The following NKAIN2 variants were observed in gnomAD, a reference collection of about 807,000 sequenced individuals.
NKAIN2 encodes the protein sodium/potassium transporting ATPase interacting 2.
A neutral mutation model predicts 32.6 loss-of-function variants in NKAIN2; 14 were observed. That is an observed-to-expected ratio of 0.43 (90% CI 0.28 to 0.67). The LOEUF (loss-of-function observed/expected upper bound fraction) is 0.67, where lower values mean the gene tolerates loss of function less well. Among genes scored for constraint, NKAIN2 ranks in the 30% least tolerant of loss-of-function variants. The probability of loss-of-function intolerance (pLI) is 0.17; values close to 1 mark genes in which losing one functional copy is unlikely to be tolerated. For missense variants in NKAIN2, 198 were observed against 258.3 expected (o/e 0.77, Z 1.60); for synonymous variants, 80 against 87.2 (o/e 0.92, Z 0.46).
intron 1 of NKAIN2, among the ~76,000 whole-genome samples, chr6:124,019,310 C>T (rs1780751872): frequency 6.6e-6 from 1 of 152,018 alleles, no homozygotes; most frequent in South Asian, 2.1e-4. Context: ...GTTAATATTC[C>T]TGCATTTATA....
At chr6:124,028,577 C>T (rs1414673288) in intron 1 of NKAIN2, among the ~76,000 whole-genome samples, 1 of 151,218 alleles carries the variant, frequency 6.6e-6, no homozygotes, top group Non-Finnish European at 1.5e-5. Context: ...ACTATGGGAT[C>T]ACAAATCTCT....
At chr6:124,597,226 TGA>T (rs1562276263) in intron 3 of NKAIN2, among the ~76,000 whole-genome samples, 1 of 152,116 alleles carries the variant, frequency 6.6e-6, no homozygotes, top group Non-Finnish European at 1.5e-5. Context: ...CATCCCAATA[TGA>T]GACATTTAAA....
intron 3 of NKAIN2, among the ~76,000 whole-genome samples, chr6:124,469,586 A>T (rs752823494): frequency 6.6e-5 from 10 of 152,212 alleles, no homozygotes; most frequent in Non-Finnish European, 1.5e-4. Flanking sequence ...AACAACAATC[A>T]TATAAAGCTA....
intron 2 of NKAIN2, among the ~76,000 whole-genome samples, chr6:124,314,773 G>C (rs1796872915): frequency 6.6e-6 from 1 of 152,178 alleles, no homozygotes; most frequent in South Asian, 2.1e-4. Context: ...ATTTCCAGCA[G>C]CTGGGGTGGT....
intron 3 of NKAIN2, among the ~76,000 whole-genome samples, chr6:124,401,803 T>C (rs557164324): frequency 2.0e-5 from 3 of 152,310 alleles, no homozygotes; most frequent in African/African-American, 7.2e-5. Context: ...AAATCTGGTT[T>C]TGAACTCCCT....
At chr6:124,822,591 T>A (rs897028216) in intron 6 of NKAIN2, among the ~76,000 whole-genome samples, 1 of 152,192 alleles carries the variant, frequency 6.6e-6, no homozygotes, top group African/African-American at 2.4e-5. Flanking sequence ...TAGACAGTCC[T>A]CTTAAGTTGG....
At chr6:124,620,574 C>A (rs1783068979) in intron 3 of NKAIN2, among the ~76,000 whole-genome samples, 1 of 152,086 alleles carries the variant, frequency 6.6e-6, no homozygotes, top group African/African-American at 2.4e-5. Context: ...GAGTATGAGA[C>A]CCAATAAATC....
At chr6:124,463,806 T>C (rs768330452) in intron 3 of NKAIN2, among the ~76,000 whole-genome samples, 9 of 152,182 alleles carry the variant, frequency 5.9e-5, no homozygotes, top group Admixed American at 5.9e-4. Flanking sequence ...TTTAAGATGT[T>C]ATTGCTTTTC....
At chr6:124,138,922 G>A (rs1396058846) in intron 1 of NKAIN2, among the ~76,000 whole-genome samples, 1 of 150,976 alleles carries the variant, frequency 6.6e-6, no homozygotes, top group Non-Finnish European at 1.5e-5. Flanking sequence ...GAAGACTTGG[G>A]GGGAATGGTG....
At chr6:124,594,137 T>C (rs1782003043) in intron 3 of NKAIN2, among the ~76,000 whole-genome samples, 1 of 152,232 alleles carries the variant, frequency 6.6e-6, no homozygotes, top group African/African-American at 2.4e-5. Context: ...GGACATCCAT[T>C]TAGAGATACA....
At chr6:124,740,279 T>C (rs985649878) in intron 4 of NKAIN2, among the ~76,000 whole-genome samples, 2 of 151,738 alleles carry the variant, frequency 1.3e-5, no homozygotes, top group South Asian at 4.1e-4. Context: ...AGATAATTTA[T>C]GTATGTATGT....
intron 4 of NKAIN2, among the ~76,000 whole-genome samples, chr6:124,768,096 G>A (rs1778589574): frequency 6.6e-6 from 1 of 152,116 alleles, no homozygotes; most frequent in Non-Finnish European, 1.5e-5. Flanking sequence ...AAAATCAACA[G>A]AGTGTTTACA....
At chr6:123,850,938 A>G (rs1775316187) in intron 1 of NKAIN2, among the ~76,000 whole-genome samples, 1 of 152,166 alleles carries the variant, frequency 6.6e-6, no homozygotes, top group African/African-American at 2.4e-5. Flanking sequence ...AAGTGAGATC[A>G]TGTGGTATTT....
chr6:124,694,484 C>T (rs1360834507), intron 4 of NKAIN2, among the ~76,000 whole-genome samples: 1 of 152,198 alleles, frequency 6.6e-6, no homozygotes, highest in Non-Finnish European at 1.5e-5. Flanking sequence ...TATGTTCCCC[C>T]ATTGAATCCA....
At chr6:124,397,394 G>T (rs75634317) in intron 3 of NKAIN2, among the ~76,000 whole-genome samples, 1 of 151,918 alleles carries the variant, frequency 6.6e-6, no homozygotes, top group African/African-American at 2.4e-5. Context: ...TAAGAACAAC[G>T]ATAATATAAT....
intron 1 of NKAIN2, among the ~76,000 whole-genome samples, chr6:124,136,041 A>G (rs1786766768): frequency 6.6e-6 from 1 of 152,134 alleles, no homozygotes; most frequent in African/African-American, 2.4e-5. Context: ...CAGAGCAGAA[A>G]AAAATGAAAT....
At chr6:124,608,805 G>C (rs895520473) in intron 3 of NKAIN2, among the ~76,000 whole-genome samples, 3 of 152,144 alleles carry the variant, frequency 2.0e-5, no homozygotes, top group Admixed American at 1.3e-4. Flanking sequence ...GACCAAGAAG[G>C]TCAAGATGTT....
At chr6:124,441,252 CAG>C (rs1369505339) in intron 3 of NKAIN2, among the ~76,000 whole-genome samples, 1 of 152,014 alleles carries the variant, frequency 6.6e-6, no homozygotes, top group Non-Finnish European at 1.5e-5. Context: ...TCTAGTTCTG[CAG>C]AGTTTCTGCA....
chr6:124,560,544 T>C (rs1415647515), intron 3 of NKAIN2, among the ~76,000 whole-genome samples: 3 of 152,254 alleles, frequency 2.0e-5, no homozygotes, highest in African/African-American at 4.8e-5. Context: ...TTATTACCTA[T>C]GTAGCCCTAG....
Sources: gnomAD v4.1 joint callset for allele counts (sites outside exome capture counted in the v4.1 genomes callset) on GRCh38, gnomAD v4.1.1 for gene constraint, MANE v1.5 for transcripts, NCBI Gene and HGNC (gene_info 2026-07-23, HGNC 2026-07-21) for gene names.